The following SLC25A48 variants were observed in gnomAD, a reference collection of about 807,000 sequenced individuals.
SLC25A48 encodes the protein solute carrier family 25 member 48, also known as CTC-321K16.1.
A neutral mutation model predicts 32.2 loss-of-function variants in SLC25A48; 29 were observed. The ratio of observed to expected loss-of-function variants is 0.90; its 90% CI spans 0.67 to 1.23. SLC25A48 has a LOEUF of 1.23. Among genes scored for constraint, SLC25A48 ranks in the 50% most tolerant of loss-of-function variants. SLC25A48 has a pLI of 0.00. For synonymous variants in SLC25A48, 164 were observed against 172.3 expected (o/e 0.95, Z 0.38); for missense variants, 399 against 422.7 (o/e 0.94, Z 0.49).
At chr5:135,852,948 C>T in intron 4 of SLC25A48, 127 bp downstream of exon 4, 2 of 1,279,458 alleles carry the variant, frequency 1.6e-6, no homozygotes, top group Non-Finnish European at 2.1e-6. Flanking sequence ...CCTAGTAGTC[C>T]GTAATTACAG....
At chr5:135,658,600 C>T (rs801547) in intron 3 of SLC25A48, among the ~76,000 whole-genome samples, 12 of 151,976 alleles carry the variant, frequency 7.9e-5, no homozygotes, top group African/African-American at 2.2e-4. Flanking sequence ...TGTCTGTGGG[C>T]GCTCCAACCC....
intron 3 of SLC25A48, among the ~76,000 whole-genome samples, chr5:135,750,563 G>T (rs13186300): frequency 0.3 from 45,912 of 151,876 alleles, 7,058 homozygotes; most frequent in East Asian, 0.46. Flanking sequence ...CCAAGTTCAA[G>T]GGCTGCAGAC....
At chr5:135,681,436 C>T (rs983287375) in intron 3 of SLC25A48, among the ~76,000 whole-genome samples, 9 of 152,124 alleles carry the variant, frequency 5.9e-5, no homozygotes, top group Admixed American at 5.2e-4. Context: ...TTACATGTCT[C>T]TCCTTGACAT....
At chr5:135,604,912 GTAA>G (rs923668650) in intron 1 of SLC25A48, among the ~76,000 whole-genome samples, 84 of 152,196 alleles carry the variant, frequency 5.5e-4, no homozygotes, top group African/African-American at 1.8e-3. Context: ...CTGTAAGTGG[GTAA>G]TAATAACACT....
intron 4 of SLC25A48, among the ~76,000 whole-genome samples, chr5:135,822,729 G>A (rs1478097915): frequency 2.6e-5 from 4 of 152,172 alleles, no homozygotes; most frequent in Non-Finnish European, 5.9e-5. Flanking sequence ...TGTCCTATGG[G>A]GGACACACAA....
chr5:135,767,170 T>C (rs1363402452), intron 3 of SLC25A48, among the ~76,000 whole-genome samples: 1 of 130,404 alleles, frequency 7.7e-6, no homozygotes, highest in Non-Finnish European at 1.6e-5. Context: ...TTGCTCCCAA[T>C]ATTTCAGGAC....
chr5:135,781,724 C>A (rs1243463409), intron 3 of SLC25A48, among the ~76,000 whole-genome samples: 2 of 116,268 alleles, frequency 1.7e-5, no homozygotes, highest in East Asian at 4.3e-4. Flanking sequence ...CTCAATATTG[C>A]AGGTGCTGTA....
chr5:135,776,279 G>A (rs879408609), intron 3 of SLC25A48, among the ~76,000 whole-genome samples: 2 of 143,388 alleles, frequency 1.4e-5, no homozygotes, highest in Admixed American at 6.9e-5. Context: ...GGGGTGGGGG[G>A]CAGAGAGAAT....
chr5:135,614,745 C>T (rs982681743), intron 1 of SLC25A48, among the ~76,000 whole-genome samples: 16 of 152,214 alleles, frequency 1.1e-4, no homozygotes, highest in Admixed American at 3.9e-4. Context: ...CACTTGATCA[C>T]GGTTGATATG....
intron 3 of SLC25A48, among the ~76,000 whole-genome samples, chr5:135,754,045 A>C (rs1353857704): frequency 6.6e-6 from 1 of 151,692 alleles, no homozygotes; most frequent in Non-Finnish European, 1.5e-5. Flanking sequence ...TATTTTGAGG[A>C]TATTATTAAT....
chr5:135,880,795 C>G (rs1394712302), intron 7 of SLC25A48, among the ~76,000 whole-genome samples: 1 of 152,208 alleles, frequency 6.6e-6, no homozygotes, highest in Non-Finnish European at 1.5e-5. Flanking sequence ...GCTGTCCCCT[C>G]TGCCTGACAT....
intron 3 of SLC25A48, among the ~76,000 whole-genome samples, chr5:135,656,695 T>C (rs1753257597): frequency 6.6e-6 from 1 of 152,156 alleles, no homozygotes; most frequent in Non-Finnish European, 1.5e-5. Context: ...AGGCCCTCAA[T>C]TCTGGTTTCC....
intron 6 of SLC25A48, among the ~76,000 whole-genome samples, chr5:135,878,103 C>T (rs2126826619): frequency 6.6e-6 from 1 of 152,300 alleles, no homozygotes; most frequent in East Asian, 1.9e-4. Context: ...GTCATATGCT[C>T]TGAAAGCTCT....
At chr5:135,876,701 T>G (rs1222070825) in intron 6 of SLC25A48, among the ~76,000 whole-genome samples, 1 of 152,220 alleles carries the variant, frequency 6.6e-6, no homozygotes, top group Non-Finnish European at 1.5e-5. Context: ...TATATGTGTA[T>G]GTACATATCT....
intron 3 of SLC25A48, among the ~76,000 whole-genome samples, chr5:135,739,060 C>A (rs1395182606): frequency 6.6e-6 from 1 of 152,092 alleles, no homozygotes; most frequent in African/African-American, 2.4e-5. Flanking sequence ...CCAGCCTGGG[C>A]AACACAGCGA....
intron 3 of SLC25A48, among the ~76,000 whole-genome samples, chr5:135,745,785 G>A (rs937394573): frequency 1.3e-5 from 2 of 152,184 alleles, no homozygotes; most frequent in Non-Finnish European, 1.5e-5. Context: ...CAGTACCTAC[G>A]AGGCGGTCAA....
intron 3 of SLC25A48, among the ~76,000 whole-genome samples, chr5:135,657,788 C>G (rs149779474): frequency 1.3e-5 from 2 of 152,344 alleles, no homozygotes; most frequent in African/African-American, 4.8e-5. Context: ...GGAAGAAATG[C>G]ATTAGCCCGA....
At chr5:135,583,966 A>C (rs1751295313) in intron 1 of SLC25A48, among the ~76,000 whole-genome samples, 1 of 152,232 alleles carries the variant, frequency 6.6e-6, no homozygotes, top group Admixed American at 6.5e-5. Context: ...TGAAGGACCA[A>C]GGTTCCCAAG....
chr5:135,654,020 C>T (rs1442330417), intron 3 of SLC25A48: 7 of 415,094 alleles, frequency 1.7e-5, no homozygotes, highest in Non-Finnish European at 2.9e-5. Flanking sequence ...TTCTTAGTGG[C>T]AGTGGCAGCC....
Sources: gnomAD v4.1 joint callset for allele counts (sites outside exome capture counted in the v4.1 genomes callset) on GRCh38, gnomAD v4.1.1 for gene constraint, MANE v1.5 for transcripts, NCBI Gene and HGNC (gene_info 2026-07-23, HGNC 2026-07-21) for gene names.